Variants in RADIL observed in about 807,000 individuals in gnomAD.
RADIL encodes the protein Rap associating with DIL domain, also known as ras-associating and dilute domain-containing protein.
In RADIL, 99 loss-of-function variants were observed where a neutral mutation model predicts 97.6. That is an observed-to-expected ratio of 1.01 (90% CI 0.86 to 1.20). RADIL has a LOEUF of 1.20. RADIL is among the 50% of genes most tolerant of loss of function. The probability of loss-of-function intolerance (pLI) is 0.00; values close to 1 mark genes in which losing one functional copy is unlikely to be tolerated. For synonymous variants in RADIL, 803 were observed against 691.8 expected (o/e 1.16, Z -2.52); for missense variants, 1,765 against 1,498.9 (o/e 1.18, Z -2.93).
chr7:4,847,835 CA>C (rs1349422104), intron 2 of RADIL, among the ~76,000 whole-genome samples: 1 of 145,106 alleles, frequency 6.9e-6, no homozygotes, highest in Non-Finnish European at 1.5e-5. Context: ...GAAAACTGAT[CA>C]GGGGCTGCCT....
intron 9 of RADIL, chr7:4,808,498 G>A: frequency 3.5e-6 from 3 of 869,282 alleles, no homozygotes; most frequent in Non-Finnish European, 4.1e-6. Flanking sequence ...CCCCAAGCTA[G>A]AAATGGTTTT....
chr7:4,874,543 C>T (rs1428980765), intron 2 of RADIL, among the ~76,000 whole-genome samples: 2 of 152,212 alleles, frequency 1.3e-5, no homozygotes, highest in African/African-American at 2.4e-5. Flanking sequence ...GGGCCACAGC[C>T]AGAGAAGGTC....
At chr7:4,843,003 A>ATTT (rs376252570) in intron 2 of RADIL, among the ~76,000 whole-genome samples, 9 of 127,324 alleles carry the variant, frequency 7.1e-5, no homozygotes, top group Admixed American at 8.0e-5. Context: ...GCAAGAGACA[A>ATTT]TTTTTTTTTT....
At chr7:4,803,285 G>A (rs1271365402) in intron 11 of RADIL, among the ~76,000 whole-genome samples, 8 of 111,054 alleles carry the variant, frequency 7.2e-5, no homozygotes, top group Non-Finnish European at 9.0e-5. Flanking sequence ...CGGGCACCTC[G>A]GGGCACGCTG....
chr7:4,802,018 C>T, intron 11 of RADIL, 23 bp from the exon 12 acceptor site: 1 of 1,474,000 alleles, frequency 6.8e-7, no homozygotes, highest in Non-Finnish European at 9.0e-7. Context: ...AGGGTGACAG[C>T]TCAGGTAGAG....
chr7:4,822,328 G>A lies in RADIL; in HGVS notation c.1615+66C>T, dbSNP rs1782856058. On this transcript the variant is annotated intron_variant, in intron 6 of 14. Transcript: ENST00000399583. The surrounding 1 kb of genome is among the most constrained non-coding windows in gnomAD (Gnocchi z 5.3). ...TGGCCAACTAGGTTCCGAGGACGGC[G>A]AGGAGATGCCACACTCCCCTGCCTG... is the stretch of plus-strand genomic sequence containing the variant. 1.4e-5 allele frequency: 21 copies of A among 1,511,288 alleles called. No individual in the cohort carries two copies. The highest frequency in any genetic ancestry group is 2.2e-4 in the Middle Eastern group (1 of 4,514). 93.6% of individuals were successfully genotyped at this position (1,511,288 alleles called of 1,614,324 possible).
Position 4,878,315 on chromosome 7 carries a change from G to A in RADIL, c.-64-112C>T. 1.4e-6 allele frequency: 1 copy of A among 696,356 alleles called. No homozygotes were observed. The highest frequency in any genetic ancestry group is 2.3e-6 in the Non-Finnish European group (1 of 429,390). 43.1% of individuals were successfully genotyped at this position (696,356 alleles called of 1,614,324 possible). ...TCCCAGCGCTTTAGAAGGCCAAGGT[G>A]GGAGGACGGCTTGAGCCCGGGAGTT... On this transcript the variant is annotated intron_variant, in intron 1 of 14. Coordinates refer to ENST00000399583, the MANE Select transcript of RADIL (RefSeq NM_018059.5). This position sits in a 1 kb window ranked among gnomAD's most constrained non-coding sequence, Gnocchi z 4.1.
chr7:4,803,897 C>T (rs1782202958), intron 10 of RADIL, 143 bp from the exon 11 acceptor site: 1 of 793,090 alleles, frequency 1.3e-6, no homozygotes, highest in Non-Finnish European at 2.1e-6. Flanking sequence ...AGGCTGGGAT[C>T]CTGGCCACAG....
intron 2 of RADIL, among the ~76,000 whole-genome samples, chr7:4,846,931 A>G (rs1783588508): frequency 6.6e-6 from 1 of 152,232 alleles, no homozygotes. Flanking sequence ...ACAGTAAAAT[A>G]CAATAAAAAA....
intron 2 of RADIL, chr7:4,861,879 T>C: frequency 1.8e-6 from 1 of 542,102 alleles, no homozygotes; most frequent in South Asian, 4.6e-5. Context: ...GCCCGGGTCA[T>C]GATCCGCTGA....
At position 4,799,445 on chromosome 7, in the gene RADIL, C is replaced by G. The variant is rs761401242; in HGVS notation, c.3161G>C (p.Arg1054Pro). 20 of 1,613,684 alleles carry G rather than the reference C, an allele frequency of 1.2e-5. No individual in the cohort carries two copies. The highest frequency in any genetic ancestry group is 2.7e-5 in the African/African-American group (2 of 74,904). ...CACGTCGGACTTCGCGACCAGGAAC[C>G]GCATCTTCTTCCCGCCATGACGGAT... Reference protein sequence around the residue: ...DLIRHGGKKMRFLVAKSDVET... With the variant: ...DLIRHGGKKMPFLVAKSDVET... The change falls in exon 15 of 15, where the codon CGG (arginine) becomes CCG (proline). Residue 1054 changes from arginine to proline, a missense_variant. By Grantham distance (103) the Arg-to-Pro change is moderately radical. Transcript: ENST00000399583.
chr7:4,804,376 C>CG lies in RADIL; in HGVS notation c.2291-623dup, dbSNP rs147108904. Among the ~76,000 whole-genome samples the CG allele has an allele frequency of 4.9e-4, 75 of 152,322 alleles. No individual in the cohort carries two copies. In the South Asian group the frequency reaches 5.2e-3, roughly 11 times the overall value. ...TGTTCTCCACGGTGACCCGGGGCTG[C>CG]GGGGGGGCATCCAAGGCCCCATCGC... On this transcript the variant is annotated intron_variant, in intron 10 of 14. Transcript: ENST00000399583.
intron 12 of RADIL, 68 bp from the exon 13 acceptor site, chr7:4,800,378 C>T (rs1782041894): frequency 1.4e-6 from 2 of 1,384,974 alleles, no homozygotes; most frequent in Non-Finnish European, 9.4e-7. Flanking sequence ...ATGGGATGTC[C>T]TGGCCTGGCT....
rs960579805 is a variant in RADIL, at chr7:4,872,459, T to C, written c.535+5146A>G. Among the ~76,000 whole-genome samples, 1 of 150,806 alleles carries C rather than the reference T, an allele frequency of 6.6e-6. No homozygotes were observed. The highest frequency in any genetic ancestry group is 1.5e-5 in the Non-Finnish European group (1 of 67,848). On this transcript the variant is annotated intron_variant, in intron 2 of 14. Coordinates refer to ENST00000399583, the MANE Select transcript of RADIL (RefSeq NM_018059.5). This position sits in a 1 kb window ranked among gnomAD's most constrained non-coding sequence, Gnocchi z 5.8. ...GGCAAACCAAGCCTCCCCTCACCGT[T>C]CCCCAGCCCCTGACAAAAACCACAT...
intron 5 of RADIL, among the ~76,000 whole-genome samples, chr7:4,829,969 C>G (rs1472501647): frequency 6.6e-6 from 1 of 152,208 alleles, no homozygotes; most frequent in African/African-American, 2.4e-5. Flanking sequence ...CTGTGTACCA[C>G]AGCTTGACTT....
rs995869673 is a variant in RADIL at position 4,879,782 on chromosome 7, C to T, written c.-64-1579G>A. ...CTAAACAGTGGAACCGCCCCAGCCTCCAAAGCTGACACTGCGAACTGGCCT... is the reference window on the plus strand; with the variant it reads ...CTAAACAGTGGAACCGCCCCAGCCTTCAAAGCTGACACTGCGAACTGGCCT... On this transcript the variant is annotated intron_variant, in intron 1 of 14. Coordinates refer to ENST00000399583, the MANE Select transcript of RADIL (RefSeq NM_018059.5). This position sits in a 1 kb window ranked among gnomAD's most constrained non-coding sequence, Gnocchi z 4.1. Among the ~76,000 whole-genome samples the T allele has an allele frequency of 5.9e-5, 9 of 152,168 alleles. No homozygotes were observed.
chr7:4,876,680 GC>G (rs1031574683), intron 2 of RADIL, among the ~76,000 whole-genome samples: 1 of 152,182 alleles, frequency 6.6e-6, no homozygotes. Context: ...GACACAGTGG[GC>G]CCCAGGCCCC....
intron 2 of RADIL, chr7:4,860,100 G>C (rs749703822): frequency 3.1e-6 from 5 of 1,614,012 alleles, no homozygotes; most frequent in Non-Finnish European, 4.2e-6. Flanking sequence ...TCAGTAGCCT[G>C]TATGTTAGCC....
chr7:4,821,875 C>T lies in RADIL; in HGVS notation c.1615+519G>A, dbSNP rs1782842602. On this transcript the variant is annotated intron_variant, in intron 6 of 14. Coordinates refer to ENST00000399583, the MANE Select transcript of RADIL (RefSeq NM_018059.5). The surrounding 1 kb of genome is among the most constrained non-coding windows in gnomAD (Gnocchi z 5.2). Reference sequence around the variant, plus strand: ...CGTCTCAAAAAAAGAAAAAGAAATCCCGAAATGTGTATTTCCCACATCTTA... The same window carrying T: ...CGTCTCAAAAAAAGAAAAAGAAATCTCGAAATGTGTATTTCCCACATCTTA... Among the ~76,000 whole-genome samples, 1 of 152,012 alleles carries T rather than the reference C, an allele frequency of 6.6e-6. No homozygotes were observed. The highest frequency in any genetic ancestry group is 6.6e-5 in the Admixed American group (1 of 15,254).
Sources: allele counts gnomAD v4.1 joint callset (sites outside exome capture counted in the v4.1 genomes callset), GRCh38; gene constraint gnomAD v4.1.1; non-coding constraint Gnocchi (gnomAD v3.1); transcripts MANE v1.5; gene names NCBI Gene and HGNC (gene_info 2026-07-23, HGNC 2026-07-21).